CREB5: variants seen among roughly 807,000 people sequenced by gnomAD.
CREB5 encodes the protein cAMP responsive element binding protein 5, also known as cyclic AMP-responsive element-binding protein 5.
CREB5 carries 19 observed loss-of-function variants against 57.1 expected under a neutral mutation model. The observed-to-expected ratio is 0.33, with a 90% CI of 0.23 to 0.49. CREB5 has a LOEUF of 0.49. Ranked by LOEUF, CREB5 falls within the 20% of genes least tolerant of loss-of-function variation. The pLI is 0.99. For synonymous variants in CREB5, 238 were observed against 238.3 expected (o/e 1.00, Z 0.01); for missense variants, 579 against 671.6 (o/e 0.86, Z 1.52).
chr7:28,332,464 G>T (rs1262871865), intron 1 of CREB5, among the ~76,000 whole-genome samples: 1 of 152,064 alleles, frequency 6.6e-6, no homozygotes, highest in South Asian at 2.1e-4. Flanking sequence ...TATAGTAGAC[G>T]CTCAGGTTAC....
chr7:28,411,388 G>A (rs978413549), upstream of CREB5, among the ~76,000 whole-genome samples: 1 of 152,136 alleles, frequency 6.6e-6, no homozygotes, highest in African/African-American at 2.4e-5. Context: ...ACAATAAATT[G>A]CTGCGTGCGT....
chr7:28,368,368 C>T (rs1417470399), intron 1 of CREB5, among the ~76,000 whole-genome samples: 1 of 151,882 alleles, frequency 6.6e-6, no homozygotes, highest in African/African-American at 2.4e-5. Context: ...ACCTGTACCC[C>T]TAAAGCTATT....
intron 1 of CREB5, among the ~76,000 whole-genome samples, chr7:28,390,093 G>A (rs899497272): frequency 6.6e-6 from 1 of 151,284 alleles, no homozygotes; most frequent in African/African-American, 2.4e-5. Context: ...AACAAAGACA[G>A]AGGGCAAAGA....
chr7:28,492,739 T>C (rs1252950340), intron 2 of CREB5, among the ~76,000 whole-genome samples: 1 of 148,574 alleles, frequency 6.7e-6, no homozygotes, highest in Non-Finnish European at 1.5e-5. Flanking sequence ...AAATATAGTA[T>C]ATTTAAAATA....
intron 1 of CREB5, among the ~76,000 whole-genome samples, chr7:28,318,307 T>C (rs928396788): frequency 6.6e-6 from 1 of 152,184 alleles, no homozygotes; most frequent in Non-Finnish European, 1.5e-5. Flanking sequence ...AATGTATTGG[T>C]TCCAAGAACA....
At chr7:28,552,453 C>T (rs186644811) in intron 4 of CREB5, among the ~76,000 whole-genome samples, 13 of 152,288 alleles carry the variant, frequency 8.5e-5, no homozygotes, top group Admixed American at 3.3e-4. Flanking sequence ...CTCTGGTACA[C>T]CATGCCCATC....
At chr7:28,740,998 A>AT (rs34485539) in intron 7 of CREB5, among the ~76,000 whole-genome samples, 75,999 of 145,398 alleles carry the variant, frequency 0.52, 20,117 homozygotes, top group Middle Eastern at 0.61. Context: ...CCATGCAGGG[A>AT]TTTTTTTTTT....
intron 5 of CREB5, among the ~76,000 whole-genome samples, chr7:28,570,851 G>A (rs192391579): frequency 1.3e-5 from 2 of 152,208 alleles, no homozygotes; most frequent in Admixed American, 1.3e-4. Flanking sequence ...CCAGAGTATA[G>A]TGCGCAGAAC....
intron 5 of CREB5, among the ~76,000 whole-genome samples, chr7:28,697,739 G>A (rs1051668632): frequency 1.3e-5 from 2 of 152,276 alleles, no homozygotes; most frequent in East Asian, 1.9e-4. Flanking sequence ...CTGCCTCAGC[G>A]TTGTCATTTG....
intron 1 of CREB5, among the ~76,000 whole-genome samples, chr7:28,445,742 G>A (rs1262844572): frequency 2.6e-5 from 4 of 151,802 alleles, no homozygotes; most frequent in Admixed American, 6.6e-5. Flanking sequence ...TAGTTGAGAT[G>A]GGGTTTCACT....
intron 5 of CREB5, among the ~76,000 whole-genome samples, chr7:28,661,220 G>A (rs949695198): frequency 6.6e-6 from 1 of 152,020 alleles, no homozygotes; most frequent in Non-Finnish European, 1.5e-5. Flanking sequence ...TTCTTCAATT[G>A]CTTCCTTCCT....
intron 1 of CREB5, among the ~76,000 whole-genome samples, chr7:28,474,618 A>G (rs896202560): frequency 2.0e-5 from 3 of 152,192 alleles, no homozygotes; most frequent in Non-Finnish European, 4.4e-5. Context: ...CGATCATACT[A>G]CTACTTAGAA....
At chr7:28,612,586 GTGT>G (rs1327961044) in intron 5 of CREB5, among the ~76,000 whole-genome samples, 1 of 141,600 alleles carries the variant, frequency 7.1e-6, no homozygotes, top group Non-Finnish European at 1.5e-5. Context: ...GTGTGTGTGT[GTGT>G]AAGGATACAG....
chr7:28,319,492 A>G (rs1021856702), intron 1 of CREB5, among the ~76,000 whole-genome samples: 7 of 152,200 alleles, frequency 4.6e-5, no homozygotes, highest in African/African-American at 1.7e-4. Context: ...TATTCTCTGA[A>G]CAAAAGATAA....
chr7:28,756,810 A>G lies in CREB5; in HGVS notation c.702+32478A>G, dbSNP rs75374606. 9.0e-3 allele frequency among the ~76,000 whole-genome samples: 1,377 copies of G among 152,296 alleles called. 10 individuals carry two copies. Among genetic ancestry groups the G allele is most frequent in the Non-Finnish European group, 0.012 (783 of 68,032 alleles). On this transcript the variant is annotated intron_variant, in intron 7 of 10. Transcript: ENST00000357727. ...CATGCTTTAACTAATGTTCAGAGAC[A>G]CTTATTGGAAATTGACAACAGCAGG...
chr7:28,769,247 T>TA (rs1806189584), intron 7 of CREB5, among the ~76,000 whole-genome samples: 1 of 152,178 alleles, frequency 6.6e-6, no homozygotes, highest in Non-Finnish European at 1.5e-5. Context: ...CTAGTGCTTG[T>TA]AAAAAACGTG....
At chr7:28,737,434 A>T (rs1309061990) in intron 7 of CREB5, among the ~76,000 whole-genome samples, 1 of 149,664 alleles carries the variant, frequency 6.7e-6, no homozygotes, top group Non-Finnish European at 1.5e-5. Context: ...AATGGGGATA[A>T]TTTTTAAAGA....
At chr7:28,337,218 A>G (rs1328558041) in intron 1 of CREB5, among the ~76,000 whole-genome samples, 1 of 152,080 alleles carries the variant, frequency 6.6e-6, no homozygotes, top group Non-Finnish European at 1.5e-5. Flanking sequence ...CAGTTAATCT[A>G]CAGTGCAGAT....
At chr7:28,791,051 A>G (rs1349356880) in intron 7 of CREB5, among the ~76,000 whole-genome samples, 1 of 152,184 alleles carries the variant, frequency 6.6e-6, no homozygotes, top group Non-Finnish European at 1.5e-5. Flanking sequence ...TATCTACCAC[A>G]TCAAATCCAC....
Sources: allele counts gnomAD v4.1 joint callset (sites outside exome capture counted in the v4.1 genomes callset), GRCh38; gene constraint gnomAD v4.1.1; transcripts MANE v1.5; gene names NCBI Gene and HGNC (gene_info 2026-07-23, HGNC 2026-07-21).